Variants in FRMD3 observed in about 807,000 individuals in gnomAD.
The protein encoded by FRMD3 is FERM domain-containing protein 3.
Under a neutral mutation model 70.2 loss-of-function variants are expected in FRMD3, and 33 were observed. The ratio of observed to expected loss-of-function variants is 0.47; its 90% CI spans 0.36 to 0.63. The LOEUF is 0.63. FRMD3 is among the 20% of genes least tolerant of loss of function. The pLI is 0.00. For synonymous variants in FRMD3, 279 were observed against 255.9 expected (o/e 1.09, Z -0.86); for missense variants, 632 against 711.4 (o/e 0.89, Z 1.27).
rs113365178 is a variant in FRMD3, at chr9:83,456,734, C to T, written c.148-67026G>A. ...GTGGCTCACACCTGTAATCCCAGCA[C>T]TTTGGGAGGCCAAGGTGGGCAGATA... On this transcript the variant is annotated intron_variant, in intron 1 of 13. Coordinates refer to ENST00000304195, the MANE Select transcript of FRMD3 (RefSeq NM_174938.6). Among the ~76,000 whole-genome samples, 1,073 of 152,308 alleles carry T rather than the reference C, an allele frequency of 7.0e-3. 11 individuals are homozygous for T. The highest frequency in any genetic ancestry group is 0.024 in the African/African-American group (1,010 of 41,568).
intron 3 of FRMD3, among the ~76,000 whole-genome samples, chr9:83,357,225 TTTATATATATATAATACATAC>T (rs1564032270): frequency 0.1 from 1,487 of 14,426 alleles, 327 homozygotes; most frequent in African/African-American, 0.26. Flanking sequence ...ATATATATAT[TTTATATATATATAATACATAC>T]ATATATATAT....
chr9:83,571,193 C>A, the FRMD3 span, among the ~76,000 whole-genome samples: 3 of 152,270 alleles, frequency 2.0e-5, no homozygotes, highest in Admixed American at 2.0e-4. Flanking sequence ...TCCTTGGTTT[C>A]TCTTGCTTCC....
At chr9:83,362,171 T>C (rs577893732) in intron 3 of FRMD3, among the ~76,000 whole-genome samples, 2 of 113,650 alleles carry the variant, frequency 1.8e-5, no homozygotes, top group East Asian at 2.7e-4. Flanking sequence ...ATCGATGCTG[T>C]TGGTTCTCTC....
At chr9:83,507,779 T>C (rs888912085) in intron 1 of FRMD3, among the ~76,000 whole-genome samples, 74 of 138,344 alleles carry the variant, frequency 5.3e-4, no homozygotes, top group African/African-American at 2.0e-3. Context: ...AGGGGCTGTT[T>C]TACAGTTAAC....
chr9:83,507,710 A>C lies in FRMD3; in HGVS notation c.147+30375T>G, dbSNP rs1179830413. On this transcript the variant is annotated intron_variant, in intron 1 of 13. Transcript: ENST00000304195. The stretch of plus-strand genomic sequence containing the variant: ...TACATACATATATATATATATATAT[A>C]TATATATATATATATATATATATAT... 2.2e-5 allele frequency among the ~76,000 whole-genome samples: 2 copies of C among 92,836 alleles called. 1 individual carries two copies. The highest frequency in any genetic ancestry group is 1.0e-4 in the African/African-American group (2 of 19,774). 60.9% of individuals were successfully genotyped at this position (92,836 alleles called of 152,430 possible).
the FRMD3 span, among the ~76,000 whole-genome samples, chr9:83,580,518 A>T: frequency 6.6e-6 from 1 of 152,132 alleles, no homozygotes; most frequent in South Asian, 2.1e-4. Context: ...GGCACAGAAA[A>T]ACACGTACCT....
intron 10 of FRMD3, among the ~76,000 whole-genome samples, chr9:83,300,569 A>AT (rs1424350626): frequency 1.3e-5 from 2 of 152,356 alleles, no homozygotes; most frequent in Admixed American, 1.3e-4. Flanking sequence ...GGGGCCAGGG[A>AT]TAAAAACTAC....
intron 1 of FRMD3, among the ~76,000 whole-genome samples, chr9:83,510,839 TC>T (rs1240230228): frequency 1.3e-5 from 2 of 151,980 alleles, no homozygotes; most frequent in Non-Finnish European, 2.9e-5. Flanking sequence ...TAAGGTAAAT[TC>T]CCCCTAGGAT....
At chr9:83,255,626 C>T (rs1035423974) in intron 13 of FRMD3, among the ~76,000 whole-genome samples, 57 of 152,028 alleles carry the variant, frequency 3.7e-4, no homozygotes, top group African/African-American at 1.2e-3. Flanking sequence ...CTAGAAAACC[C>T]CATCGTCTCA....
intron 1 of FRMD3, among the ~76,000 whole-genome samples, chr9:83,514,711 C>T (rs776860854): frequency 6.6e-5 from 10 of 152,186 alleles, no homozygotes; most frequent in Non-Finnish European, 1.2e-4. Flanking sequence ...CATACAGGAG[C>T]GCTCTGGCTG....
chr9:83,556,731 A>C, the FRMD3 span, among the ~76,000 whole-genome samples: 1 of 152,054 alleles, frequency 6.6e-6, no homozygotes, highest in Non-Finnish European at 1.5e-5. Flanking sequence ...TACTTAATTC[A>C]ACTTATTAAG....
chr9:83,563,030 G>A, the FRMD3 span, among the ~76,000 whole-genome samples: 6 of 151,768 alleles, frequency 4.0e-5, no homozygotes, highest in South Asian at 8.3e-4. Context: ...TGAATGCAAT[G>A]TGGAAACTGA....
At chr9:83,435,868 C>T (rs766339817) in intron 1 of FRMD3, among the ~76,000 whole-genome samples, 10 of 152,148 alleles carry the variant, frequency 6.6e-5, no homozygotes, top group Non-Finnish European at 1.2e-4. Context: ...ACCCTCTGCC[C>T]TAGTGACTTT....
At chr9:83,364,592 A>G (rs1271867214) in intron 3 of FRMD3, among the ~76,000 whole-genome samples, 11 of 152,126 alleles carry the variant, frequency 7.2e-5, no homozygotes, top group Admixed American at 7.2e-4. Context: ...CAAACAAACA[A>G]AGCATTCTAG....
chr9:83,402,771 T>C (rs887911415), intron 1 of FRMD3, among the ~76,000 whole-genome samples: 1 of 152,070 alleles, frequency 6.6e-6, no homozygotes, highest in African/African-American at 2.4e-5. Context: ...ATTATTAGTT[T>C]TCAAGAAACA....
At chr9:83,443,770 G>A (rs765155130) in intron 1 of FRMD3, among the ~76,000 whole-genome samples, 14 of 152,098 alleles carry the variant, frequency 9.2e-5, no homozygotes, top group Non-Finnish European at 1.5e-4. Context: ...GTGTAAAAGC[G>A]CTCCTATTTC....
At chr9:83,563,253 C>T in the FRMD3 span, among the ~76,000 whole-genome samples, 1 of 152,168 alleles carries the variant, frequency 6.6e-6, no homozygotes, top group Non-Finnish European at 1.5e-5. Context: ...TCACTCCACC[C>T]TCACCTACTG....
In FRMD3 at chr9:83,248,308, G is replaced by A. The variant is rs757232709; in HGVS notation, c.1404C>T (p.Asp468=). The part of the protein sequence containing the change: ...VDDDEIDMLF[D]CPSRLELERE... ...TTTCCAACTCAAGCCTAGAAGGACA[G>A]TCAAAGAGCATGTCAATCTCATCGT... Residue 468 remains aspartate (D), a synonymous_variant, in exon 14 of 14, where the codon GAC becomes GAT. Transcript: ENST00000304195. The A allele has an allele frequency of 7.4e-6, 12 of 1,614,206 alleles. No individual in the cohort carries two copies. In the South Asian group the frequency reaches 1.3e-4, roughly 18 times the overall value.
intron 1 of FRMD3, among the ~76,000 whole-genome samples, chr9:83,464,987 T>A (rs1828082898): frequency 6.8e-6 from 1 of 146,460 alleles, no homozygotes; most frequent in African/African-American, 2.6e-5. Context: ...ACCACTGCAC[T>A]CCAGCCTGGG....
Sources: gnomAD v4.1 joint callset for allele counts (sites outside exome capture counted in the v4.1 genomes callset) on GRCh38, gnomAD v4.1.1 for gene constraint, MANE v1.5 for transcripts, NCBI Gene and HGNC (gene_info 2026-07-23, HGNC 2026-07-21) for gene names.